Variants in ARID4A observed in about 807,000 individuals in gnomAD.
ARID4A encodes AT-rich interactive domain-containing protein 4A.
Under a neutral mutation model 148.6 loss-of-function variants are expected in ARID4A, and 39 were observed. That is an observed-to-expected ratio of 0.26 (90% CI 0.20 to 0.34). The LOEUF is 0.34. ARID4A is among the 10% of genes least tolerant of loss of function. ARID4A has a pLI of 1.00. For synonymous variants in ARID4A, 475 were observed against 481.2 expected, an observed-to-expected ratio of 0.99 and a Z score of 0.17; for missense variants, 1,265 against 1,449.1, an observed-to-expected ratio of 0.87 and a Z score of 2.06.
At chr14:58,351,441 T>C in intron 16 of ARID4A, 118 bp downstream of exon 16, 1 of 1,351,162 alleles carries the variant, frequency 7.4e-7, no homozygotes, top group South Asian at 1.5e-5. Context: ...CCGTTCCTCT[T>C]GTCTAATGAA....
chr14:58,370,469 G>T (rs2035556632), intron 23 of ARID4A, among the ~76,000 whole-genome samples: 1 of 151,652 alleles, frequency 6.6e-6, no homozygotes, highest in African/African-American at 2.4e-5. Context: ...GCTAATTTTT[G>T]TATTTTTAGT....
At chr14:58,331,716 GAAATGA>G (rs1406614292) in intron 11 of ARID4A, among the ~76,000 whole-genome samples, 1 of 152,116 alleles carries the variant, frequency 6.6e-6, no homozygotes, top group Non-Finnish European at 1.5e-5. Context: ...GATAGATTCT[GAAATGA>G]AAATGATAAT....
Position 58,372,185 on chromosome 14 carries a change from A to G in ARID4A, c.*196A>G, listed in dbSNP as rs1434460912. 2.1e-6 allele frequency: 1 copy of G among 478,140 alleles called. No individual in the cohort carries two copies. The allele number at this position is 478,140 out of a possible 1,614,324, so 29.6% of individuals were successfully genotyped here. On this transcript the variant is annotated 3_prime_UTR_variant, in exon 24 of 24. Transcript: ENST00000355431. Reference sequence around the variant, plus strand: ...AAAAAATAAGCTGATTAATAAGTGAAGGTTAAGCAGCCTGCCATATTTGTC... The same window carrying G: ...AAAAAATAAGCTGATTAATAAGTGAGGGTTAAGCAGCCTGCCATATTTGTC...
At chr14:58,337,078 G>C (rs2033853545) in intron 11 of ARID4A, among the ~76,000 whole-genome samples, 1 of 150,212 alleles carries the variant, frequency 6.7e-6, no homozygotes, top group Non-Finnish European at 1.5e-5. Context: ...TTTTAGTAGG[G>C]ACGAGGTTTC....
intron 17 of ARID4A, among the ~76,000 whole-genome samples, chr14:58,356,664 A>G (rs1261808528): frequency 6.7e-6 from 1 of 148,928 alleles, no homozygotes; most frequent in Non-Finnish European, 1.5e-5. Context: ...TTCAAAAGCT[A>G]TATGCATTCA....
chr14:58,330,603 A>C (rs981932522), intron 11 of ARID4A, among the ~76,000 whole-genome samples: 2 of 152,196 alleles, frequency 1.3e-5, no homozygotes, highest in African/African-American at 4.8e-5. Context: ...AAATGGGTAG[A>C]AGAGGGATTT....
intron 7 of ARID4A, among the ~76,000 whole-genome samples, chr14:58,320,148 A>G (rs2032771816): frequency 6.6e-6 from 1 of 151,560 alleles, no homozygotes; most frequent in African/African-American, 2.4e-5. Flanking sequence ...GGGTTTCACC[A>G]TGTTGGCCAG....
At position 58,346,456 on chromosome 14, in the gene ARID4A, A is replaced by G. The variant is rs149267609; in HGVS notation, c.1025A>G (p.Asn342Ser). Residue 342 changes from asparagine (N) to serine (S), a missense_variant, in exon 13 of 24, where the codon AAT becomes AGT. Asn to Ser is a conservative substitution (Grantham distance 46). Coordinates refer to ENST00000355431, the MANE Select transcript of ARID4A (RefSeq NM_002892.4). ...CCTGTTTTGGGCTATAAAGATCTCA[A>G]TCTCTTCAAACTCTTCAGACTGGTT... ...KPPVLGYKDL[N>S]LFKLFRLVYH... 140 of 1,610,574 alleles carry G rather than the reference A, an allele frequency of 8.7e-5. No individual in the cohort carries two copies. The highest frequency in any genetic ancestry group is 1.3e-4 in the Admixed American group (8 of 59,700).
At chr14:58,324,158 C>T (rs1476054751) in intron 8 of ARID4A, among the ~76,000 whole-genome samples, 1 of 152,164 alleles carries the variant, frequency 6.6e-6, no homozygotes, top group Non-Finnish European at 1.5e-5. Context: ...CCCACCTCGG[C>T]CTCCAAAGTT....
At chr14:58,370,197 GAAGAA>G (rs1566730876) in intron 23 of ARID4A, 1 of 152,196 alleles carries the variant, frequency 6.6e-6, no homozygotes, top group Non-Finnish European at 1.5e-5. Context: ...AATATCAAAA[GAAGAA>G]AAGAACAAAT....
intron 11 of ARID4A, among the ~76,000 whole-genome samples, chr14:58,330,839 T>C (rs2033478686): frequency 6.6e-6 from 1 of 152,230 alleles, no homozygotes; most frequent in African/African-American, 2.4e-5. Flanking sequence ...TAGGAAATCA[T>C]CCATGGAGTA....
At chr14:58,309,700 A>G (rs1218718240) in intron 5 of ARID4A, among the ~76,000 whole-genome samples, 2 of 152,358 alleles carry the variant, frequency 1.3e-5, no homozygotes, top group Non-Finnish European at 2.9e-5. Context: ...CAGTAATTCT[A>G]GTAATTAACT....
chr14:58,312,322 T>G (rs995565767), intron 5 of ARID4A, among the ~76,000 whole-genome samples: 2 of 151,986 alleles, frequency 1.3e-5, no homozygotes, highest in African/African-American at 2.4e-5. Flanking sequence ...GTTCAAATGA[T>G]TCTCCTGCCT....
In ARID4A at chr14:58,361,002, G is replaced by A. The variant is rs146273520; in HGVS notation, c.2040G>A (p.Pro680=). 447 of 1,613,930 alleles carry A rather than the reference G, an allele frequency of 2.8e-4. 1 individual carries two copies. Among genetic ancestry groups the A allele is most frequent in the South Asian group, 7.1e-4 (65 of 91,070 alleles). Reference sequence around the variant, plus strand: ...AATCAACCCTCTCATCAAACATGCCGTATGGCTTATCTAAGACAGCAAACA... The same window carrying A: ...AATCAACCCTCTCATCAAACATGCCATATGGCTTATCTAAGACAGCAAACA... The part of the protein sequence containing the change: ...PLKSTLSSNM[P]YGLSKTANSE... Residue 680 remains proline, a synonymous_variant, in exon 19 of 24, where the codon CCG becomes CCA. Coordinates refer to ENST00000355431, the MANE Select transcript of ARID4A (RefSeq NM_002892.4).
In ARID4A at chr14:58,372,113, C is replaced by G; in HGVS notation, c.*124C>G. 1 of 670,408 alleles carries G rather than the reference C, an allele frequency of 1.5e-6. No individual in the cohort carries two copies. Among genetic ancestry groups the G allele is most frequent in the Non-Finnish European group, 2.6e-6 (1 of 387,910 alleles). 41.5% of individuals were successfully genotyped at this position (670,408 alleles called of 1,614,324 possible). A position where few individuals can be genotyped will look rare whatever the true frequency, so the allele number is the denominator to read the frequency against. On this transcript the variant is annotated 3_prime_UTR_variant, in exon 24 of 24. Transcript: ENST00000355431. The stretch of plus-strand genomic sequence containing the variant: ...GCTAAGTATATCCTGTATACTTTTC[C>G]AGGCTGGATTGTATCTATTCCCCTC...
intron 5 of ARID4A, among the ~76,000 whole-genome samples, chr14:58,317,589 C>G (rs1414238810): frequency 6.8e-6 from 1 of 147,430 alleles, no homozygotes; most frequent in Non-Finnish European, 1.5e-5. Flanking sequence ...CGCGCCTGGC[C>G]TAAAGTTTCT....
rs545854355 is a variant in ARID4A, at chr14:58,300,964, T to C, written c.7-616T>C. ...GTAGATGTTTCTTAGTAACGCTTATTTTTTTATACTAAGAAGATTAGTGTG... is the reference window on the plus strand; with the variant it reads ...GTAGATGTTTCTTAGTAACGCTTATCTTTTTATACTAAGAAGATTAGTGTG... On this transcript the variant is annotated intron_variant, in intron 2 of 23. Coordinates refer to ENST00000355431, the MANE Select transcript of ARID4A (RefSeq NM_002892.4). 3.3e-5 allele frequency among the ~76,000 whole-genome samples: 5 copies of C among 152,294 alleles called. No homozygotes were observed. In the East Asian group the frequency reaches 9.6e-4, roughly 29 times the overall value.
At chr14:58,302,631 C>G (rs1481526603) in intron 3 of ARID4A, among the ~76,000 whole-genome samples, 3 of 152,104 alleles carry the variant, frequency 2.0e-5, no homozygotes, top group Non-Finnish European at 4.4e-5. Context: ...GCACTCCAGC[C>G]TGGGTGACAG....
intron 3 of ARID4A, among the ~76,000 whole-genome samples, chr14:58,302,980 A>C (rs752518628): frequency 3.5e-4 from 53 of 152,162 alleles, no homozygotes; most frequent in Non-Finnish European, 6.8e-4. Context: ...TTTTTTTTTA[A>C]GATGCTTTTA....
Sources: allele counts gnomAD v4.1 joint callset (sites outside exome capture counted in the v4.1 genomes callset), GRCh38; gene constraint gnomAD v4.1.1; transcripts MANE v1.5; gene names NCBI Gene and HGNC (gene_info 2026-07-23, HGNC 2026-07-21).